SLC44A1: variants seen among roughly 807,000 people sequenced by gnomAD.
SLC44A1 encodes choline transporter-like protein 1.
SLC44A1 carries 26 observed loss-of-function variants against 79.3 expected under a neutral mutation model. The ratio of observed to expected loss-of-function variants is 0.33; its 90% CI spans 0.24 to 0.46. The LOEUF is 0.46. Ranked by LOEUF, SLC44A1 falls within the 20% of genes least tolerant of loss-of-function variation. The probability of loss-of-function intolerance (pLI) is 1.00; values close to 1 mark genes in which losing one functional copy is unlikely to be tolerated. For missense variants in SLC44A1, 688 were observed against 798.1 expected, an observed-to-expected ratio of 0.86 and a Z score of 1.66; for synonymous variants, 263 against 286.2, an observed-to-expected ratio of 0.92 and a Z score of 0.82.
chr9:105,397,301 A>G lies in SLC44A1; in HGVS notation c.*8245A>G, dbSNP rs1828895226. On this transcript the variant is annotated 3_prime_UTR_variant, in exon 16 of 16. Transcript: ENST00000374720. ...TGAAAACTGTATTTTAGTCTAACAA[A>G]TGTATAGAATTTTTTATGTAATAAA... The G allele has an allele frequency of 1.0e-6, 1 of 979,114 alleles. No homozygotes were observed. The highest frequency in any genetic ancestry group is 1.2e-6 in the Non-Finnish European group (1 of 824,134). 60.7% of individuals were successfully genotyped at this position (979,114 alleles called of 1,614,324 possible). A position where few individuals can be genotyped will look rare whatever the true frequency, so the allele number is the denominator to read the frequency against.
At chr9:105,351,199 G>A (rs1329780369) in intron 5 of SLC44A1, among the ~76,000 whole-genome samples, 1 of 152,164 alleles carries the variant, frequency 6.6e-6, no homozygotes, top group Non-Finnish European at 1.5e-5. Flanking sequence ...AGGTTACTAG[G>A]TGCTGGGGAA....
chr9:105,270,140 C>A (rs1460688031), intron 1 of SLC44A1, among the ~76,000 whole-genome samples: 1 of 152,056 alleles, frequency 6.6e-6, no homozygotes, highest in Non-Finnish European at 1.5e-5. Context: ...GAGATCACAA[C>A]ACATGACAGC....
intron 1 of SLC44A1, among the ~76,000 whole-genome samples, chr9:105,274,207 C>T (rs568540730): frequency 1.0e-3 from 153 of 152,258 alleles, no homozygotes; most frequent in Non-Finnish European, 1.7e-3. Context: ...TCCCCTTAAG[C>T]AATATGAAGC....
chr9:105,378,891 T>C (rs1564468659), intron 13 of SLC44A1, among the ~76,000 whole-genome samples: 1 of 152,246 alleles, frequency 6.6e-6, no homozygotes, highest in Non-Finnish European at 1.5e-5. Context: ...AATGAATTGT[T>C]CATATACATA....
chr9:105,403,303 G>A (rs1334638885), intron 15 of SLC44A1, among the ~76,000 whole-genome samples: 1 of 151,994 alleles, frequency 6.6e-6, no homozygotes. Context: ...GGTAGAAGAA[G>A]GTTTATGCAT....
intron 3 of SLC44A1, among the ~76,000 whole-genome samples, chr9:105,314,877 T>C (rs575027923): frequency 6.6e-6 from 1 of 152,370 alleles, no homozygotes; most frequent in Non-Finnish European, 1.5e-5. Flanking sequence ...AAGTTTAAAA[T>C]GTATGTGCTA....
At chr9:105,325,851 G>A (rs139464544) in intron 3 of SLC44A1, among the ~76,000 whole-genome samples, 58 of 152,250 alleles carry the variant, frequency 3.8e-4, no homozygotes, top group African/African-American at 1.3e-3. Flanking sequence ...GAACAACTCC[G>A]TCAAATATAC....
chr9:105,341,335 CA>C (rs529318721), intron 4 of SLC44A1, among the ~76,000 whole-genome samples: 3,416 of 65,202 alleles, frequency 0.052, 42 homozygotes, highest in Non-Finnish European at 0.092. Flanking sequence ...AACTTCGTCT[CA>C]AAAAAAAAAA....
intron 3 of SLC44A1, among the ~76,000 whole-genome samples, chr9:105,324,156 C>G (rs997585795): frequency 6.6e-6 from 1 of 152,024 alleles, no homozygotes; most frequent in Non-Finnish European, 1.5e-5. Context: ...CGCCCGCCAC[C>G]ACGCCCGGCT....
chr9:105,308,820 T>G (rs1387624461), intron 2 of SLC44A1, among the ~76,000 whole-genome samples: 1 of 152,200 alleles, frequency 6.6e-6, no homozygotes, highest in Non-Finnish European at 1.5e-5. Flanking sequence ...TTAACCTCAG[T>G]CTTTCCCACC....
At chr9:105,264,553 C>T (rs1041283551) in intron 1 of SLC44A1, among the ~76,000 whole-genome samples, 3 of 152,178 alleles carry the variant, frequency 2.0e-5, no homozygotes, top group African/African-American at 4.8e-5. Context: ...TCTTGGAGAT[C>T]GTGGTTGTCT....
chr9:105,321,700 G>GTT (rs1826397770), intron 3 of SLC44A1, among the ~76,000 whole-genome samples: 1 of 151,816 alleles, frequency 6.6e-6, no homozygotes, highest in Non-Finnish European at 1.5e-5. Context: ...AAAGTCAGTC[G>GTT]TTTGTCTTAT....
intron 7 of SLC44A1, 123 bp downstream of exon 7, chr9:105,358,556 T>A: frequency 1.5e-6 from 1 of 650,550 alleles, no homozygotes; most frequent in Non-Finnish European, 2.7e-6. Context: ...GACTGTTAAT[T>A]TTTGCCTTAA....
chr9:105,371,777 G>A (rs1828112137), intron 12 of SLC44A1, among the ~76,000 whole-genome samples: 1 of 150,656 alleles, frequency 6.6e-6, no homozygotes, highest in Non-Finnish European at 1.5e-5. Context: ...GCAGGTGGTA[G>A]GTTGACCACC....
chr9:105,326,778 AG>A (rs1247910318), intron 3 of SLC44A1, among the ~76,000 whole-genome samples: 1 of 152,226 alleles, frequency 6.6e-6, no homozygotes, highest in Admixed American at 6.5e-5. Context: ...ATGCACTCCC[AG>A]GGGAAAGCTA....
intron 15 of SLC44A1, among the ~76,000 whole-genome samples, chr9:105,388,029 G>A (rs1436533352): frequency 2.6e-5 from 4 of 152,112 alleles, no homozygotes; most frequent in Non-Finnish European, 5.9e-5. Context: ...ATTGCTTGCA[G>A]ATTAATGGCA....
intron 1 of SLC44A1, among the ~76,000 whole-genome samples, chr9:105,289,710 A>G (rs1830558967): frequency 6.6e-6 from 1 of 152,110 alleles, no homozygotes; most frequent in African/African-American, 2.4e-5. Context: ...TAGAACATAA[A>G]TTTACCAAAT....
intron 1 of SLC44A1, among the ~76,000 whole-genome samples, chr9:105,252,087 TTTCA>T (rs1175870019): frequency 3.3e-5 from 5 of 152,236 alleles, no homozygotes; most frequent in South Asian, 4.1e-4. Flanking sequence ...GAAATTTTAA[TTTCA>T]TTCACAAGGT....
intron 3 of SLC44A1, among the ~76,000 whole-genome samples, chr9:105,321,802 T>C (rs906823348): frequency 2.7e-5 from 4 of 148,752 alleles, no homozygotes; most frequent in African/African-American, 7.5e-5. Context: ...CAGAGAGTTA[T>C]AGTATTTTAA....
Sources: allele counts gnomAD v4.1 joint callset (sites outside exome capture counted in the v4.1 genomes callset), GRCh38; gene constraint gnomAD v4.1.1; transcripts MANE v1.5; gene names NCBI Gene and HGNC (gene_info 2026-07-23, HGNC 2026-07-21).